CPA6: variants seen among roughly 807,000 people sequenced by gnomAD.
The protein encoded by CPA6 is carboxypeptidase B.
CPA6 carries 58 observed loss-of-function variants against 63.3 expected under a neutral mutation model. The ratio of observed to expected loss-of-function variants is 0.92; its 90% CI spans 0.74 to 1.14. The LOEUF is 1.14. Among genes scored for constraint, CPA6 ranks in the 50% most tolerant of loss-of-function variants. The pLI is 0.00. For missense variants in CPA6, 565 were observed against 526.6 expected (o/e 1.07, Z -0.71); for synonymous variants, 185 against 179.0 (o/e 1.03, Z -0.27).
intron 1 of CPA6, among the ~76,000 whole-genome samples, chr8:67,714,678 T>C (rs980279714): frequency 2.0e-5 from 3 of 152,036 alleles, no homozygotes; most frequent in African/African-American, 7.2e-5. Flanking sequence ...AGTGAGTAAA[T>C]AGATAAATAA....
At chr8:67,477,518 C>A (rs928762080) in intron 8 of CPA6, among the ~76,000 whole-genome samples, 1 of 152,084 alleles carries the variant, frequency 6.6e-6, no homozygotes, top group African/African-American at 2.4e-5. Context: ...GGGATGTGAA[C>A]TCATTAAATC....
intron 5 of CPA6, among the ~76,000 whole-genome samples, chr8:67,508,786 A>T (rs1020024019): frequency 6.6e-6 from 1 of 152,192 alleles, no homozygotes; most frequent in South Asian, 2.1e-4. Flanking sequence ...ATAGAGAGCT[A>T]TAGGTCAGTA....
intron 8 of CPA6, among the ~76,000 whole-genome samples, chr8:67,455,245 G>A (rs113670034): frequency 1.3e-5 from 2 of 152,080 alleles, no homozygotes; most frequent in African/African-American, 2.4e-5. Flanking sequence ...GCATCACGAA[G>A]CAGCGCAGTG....
chr8:67,727,153 AG>A (rs911777574), intron 1 of CPA6, among the ~76,000 whole-genome samples: 8 of 150,700 alleles, frequency 5.3e-5, no homozygotes, highest in Admixed American at 3.9e-4. Flanking sequence ...ATAGGGAGAA[AG>A]AAAAAAAAAC....
intron 8 of CPA6, among the ~76,000 whole-genome samples, chr8:67,446,313 T>C (rs1289984991): frequency 2.0e-5 from 3 of 152,034 alleles, no homozygotes; most frequent in African/African-American, 7.2e-5. Context: ...TATGGTATTA[T>C]TTATTTCTTT....
intron 1 of CPA6, among the ~76,000 whole-genome samples, chr8:67,721,891 TAACTA>T (rs1307983929): frequency 1.3e-5 from 2 of 152,340 alleles, no homozygotes; most frequent in African/African-American, 4.8e-5. Flanking sequence ...AACCTTAACT[TAACTA>T]GAGATGTAAA....
chr8:67,487,756 G>T (rs1055694616), intron 6 of CPA6, among the ~76,000 whole-genome samples: 1 of 152,160 alleles, frequency 6.6e-6, no homozygotes, highest in African/African-American at 2.4e-5. Flanking sequence ...CATTCTAACT[G>T]GTGTGAGATG....
chr8:67,464,999 T>C (rs952649724), intron 8 of CPA6, among the ~76,000 whole-genome samples: 4 of 152,218 alleles, frequency 2.6e-5, no homozygotes, highest in Non-Finnish European at 5.9e-5. Flanking sequence ...CAGGCTCCTT[T>C]TGGGTTCCAT....
intron 1 of CPA6, among the ~76,000 whole-genome samples, chr8:67,631,320 A>G (rs28805356): frequency 0.29 from 43,801 of 152,104 alleles, 6,991 homozygotes; most frequent in African/African-American, 0.43. Flanking sequence ...GGGGACTTGG[A>G]GGACTTTTAT....
intron 2 of CPA6, among the ~76,000 whole-genome samples, chr8:67,540,771 G>A (rs1812687438): frequency 6.6e-6 from 1 of 152,208 alleles, no homozygotes; most frequent in African/African-American, 2.4e-5. Flanking sequence ...GCTCCACCCA[G>A]TTCGAACTTC....
At chr8:67,586,833 G>C (rs575219910) in intron 2 of CPA6, among the ~76,000 whole-genome samples, 4 of 152,102 alleles carry the variant, frequency 2.6e-5, no homozygotes, top group Non-Finnish European at 2.9e-5. Context: ...TCATTGAGTT[G>C]GTTAAAAAAT....
intron 1 of CPA6, among the ~76,000 whole-genome samples, chr8:67,660,296 C>T (rs1413260213): frequency 1.4e-5 from 2 of 145,910 alleles, no homozygotes; most frequent in Non-Finnish European, 3.0e-5. Context: ...TAGTATTTGG[C>T]ACATGGTAAA....
intron 2 of CPA6, among the ~76,000 whole-genome samples, chr8:67,532,962 C>T (rs571207529): frequency 6.6e-6 from 1 of 152,240 alleles, no homozygotes; most frequent in East Asian, 1.9e-4. Flanking sequence ...TAGATGTATA[C>T]TTGTAAATAT....
At chr8:67,496,287 TTC>T (rs1324009353) in intron 6 of CPA6, among the ~76,000 whole-genome samples, 1 of 152,038 alleles carries the variant, frequency 6.6e-6, no homozygotes, top group African/African-American at 2.4e-5. Context: ...TGATTTACAC[TTC>T]TGTTGATGCC....
At chr8:67,483,927 C>T in intron 7 of CPA6, 69 bp from the exon 8 acceptor site, 1 of 1,248,286 alleles carries the variant, frequency 8.0e-7, no homozygotes. Context: ...ATTTTAATAG[C>T]TCAATCAATG....
At chr8:67,480,868 G>T (rs1159640551) in intron 8 of CPA6, among the ~76,000 whole-genome samples, 1 of 152,168 alleles carries the variant, frequency 6.6e-6, no homozygotes, top group African/African-American at 2.4e-5. Flanking sequence ...TAGTAGATGT[G>T]AAGTGGTACC....
chr8:67,532,765 T>C (rs1812505330), intron 2 of CPA6, among the ~76,000 whole-genome samples: 1 of 152,178 alleles, frequency 6.6e-6, no homozygotes, highest in African/African-American at 2.4e-5. Flanking sequence ...TGGCTGTCAT[T>C]ATATTAATAA....
chr8:67,642,555 G>A (rs187416280), intron 1 of CPA6, among the ~76,000 whole-genome samples: 2 of 152,168 alleles, frequency 1.3e-5, no homozygotes, highest in Non-Finnish European at 2.9e-5. Flanking sequence ...TGAAGAAGAA[G>A]GTGAGCAATT....
Position 67,545,580 on chromosome 8 carries a change from T to TTTTTTTTG in CPA6, c.193-27534_193-27533insCAAAAAAA, listed in dbSNP as rs750417027. 8.8e-5 allele frequency among the ~76,000 whole-genome samples: 11 copies of TTTTTTTTG among 125,666 alleles called. 1 individual carries two copies. The highest frequency in any genetic ancestry group is 1.3e-4 in the Non-Finnish European group (8 of 60,022). The allele number at this position is 125,666 out of a possible 152,430, so 82.4% of individuals were successfully genotyped here. ...TACTGTTACTTTTTTTTTTTTTTTT[T>TTTTTTTTG]TTTTGAGATGGAGTTTTGCTCTTGT... On this transcript the variant is annotated intron_variant, in intron 2 of 10. Coordinates refer to ENST00000297770, the MANE Select transcript of CPA6 (RefSeq NM_020361.5).
Sources: allele counts gnomAD v4.1 joint callset (sites outside exome capture counted in the v4.1 genomes callset), GRCh38; gene constraint gnomAD v4.1.1; transcripts MANE v1.5; gene names NCBI Gene and HGNC (gene_info 2026-07-23, HGNC 2026-07-21).